Variants in CACNA1C observed in about 807,000 individuals in gnomAD.
The protein encoded by CACNA1C is calcium voltage-gated channel subunit alpha1 C, also known as voltage-dependent L-type calcium channel subunit alpha-1C.
CACNA1C carries 30 observed loss-of-function variants against 229.0 expected under a neutral mutation model. The ratio of observed to expected loss-of-function variants is 0.13; its 90% CI spans 0.10 to 0.18. CACNA1C has a LOEUF of 0.18. Among genes scored for constraint, CACNA1C ranks in the 10% least tolerant of loss-of-function variants. The pLI is 1.00. For missense variants in CACNA1C, 1,658 were observed against 2,845.0 expected, an observed-to-expected ratio of 0.58 and a Z score of 9.49; for synonymous variants, 1,114 against 1,132.5, an observed-to-expected ratio of 0.98 and a Z score of 0.33.
At chr12:2,489,460 G>A (rs1049692232) in intron 6 of CACNA1C, among the ~76,000 whole-genome samples, 5 of 152,162 alleles carry the variant, frequency 3.3e-5, no homozygotes, top group Non-Finnish European at 5.9e-5. Flanking sequence ...CATCTGCAAG[G>A]CGCCTTCTCA....
At chr12:2,383,423 A>T (rs965153271) in intron 3 of CACNA1C, among the ~76,000 whole-genome samples, 3 of 152,124 alleles carry the variant, frequency 2.0e-5, no homozygotes, top group Admixed American at 2.0e-4. Context: ...GGGTGGCAGG[A>T]ATGTGCCCTT....
rs569548209 is a variant in CACNA1C at position 2,410,652 on chromosome 12, C to T, written c.478-38324C>T. On this transcript the variant is annotated intron_variant, in intron 3 of 46. Transcript: ENST00000399655. The surrounding 1 kb of genome is among the most constrained non-coding windows in gnomAD (Gnocchi z 5.3). Reference sequence around the variant, plus strand: ...GCCTGTGTGTGTGTGTGTGTGCATGCGTGTGTGTGTTCCAGGAGCTGACTC... The same window carrying T: ...GCCTGTGTGTGTGTGTGTGTGCATGTGTGTGTGTGTTCCAGGAGCTGACTC... Among the ~76,000 whole-genome samples the T allele has an allele frequency of 1.1e-4, 16 of 147,170 alleles. No homozygotes were observed. Among genetic ancestry groups the T allele is most frequent in the East Asian group, 4.0e-4 (2 of 5,004 alleles).
At chr12:2,458,113 C>T (rs1374636564) in intron 5 of CACNA1C, among the ~76,000 whole-genome samples, 1 of 152,140 alleles carries the variant, frequency 6.6e-6, no homozygotes, top group Admixed American at 6.5e-5. Flanking sequence ...TTCCAAAGAA[C>T]AATCAGGAAA....
At chr12:2,448,817 G>C (rs1237811894) in intron 3 of CACNA1C, among the ~76,000 whole-genome samples, 159 bp from the exon 4 acceptor site, 5 of 151,880 alleles carry the variant, frequency 3.3e-5, no homozygotes, top group Non-Finnish European at 5.9e-5. Context: ...GGTAGAGCAG[G>C]TCGTGGAGTT....
intron 3 of CACNA1C, among the ~76,000 whole-genome samples, chr12:2,289,947 C>T (rs573239959): frequency 6.6e-6 from 1 of 152,330 alleles, no homozygotes; most frequent in East Asian, 1.9e-4. Flanking sequence ...TTTACACATG[C>T]AGATGCTGAA....
intron 1 of CACNA1C, among the ~76,000 whole-genome samples, chr12:2,020,820 T>C (rs1239761570): frequency 6.6e-6 from 1 of 152,168 alleles, no homozygotes; most frequent in African/African-American, 2.4e-5. Flanking sequence ...CTTGACAAGG[T>C]GGTGGTTCAG....
chr12:2,066,926 G>A (rs1030781655), intron 1 of CACNA1C, among the ~76,000 whole-genome samples: 2 of 152,088 alleles, frequency 1.3e-5, no homozygotes, highest in Non-Finnish European at 2.9e-5. Context: ...GCTGGAGTGG[G>A]GCCTGAGCTT....
At chr12:2,530,873 T>G (rs767674580) in intron 9 of CACNA1C, among the ~76,000 whole-genome samples, 7 of 152,122 alleles carry the variant, frequency 4.6e-5, no homozygotes, top group Admixed American at 1.3e-4. Context: ...CACGGCTAAC[T>G]GTGACATCTT....
At chr12:2,417,609 C>A (rs778047156) in intron 3 of CACNA1C, among the ~76,000 whole-genome samples, 1 of 152,008 alleles carries the variant, frequency 6.6e-6, no homozygotes, top group South Asian at 2.1e-4. Context: ...GTGGTCCAGG[C>A]GGATGACAAG....
chr12:2,681,042 C>T (rs914648600), intron 42 of CACNA1C, among the ~76,000 whole-genome samples: 2 of 152,166 alleles, frequency 1.3e-5, no homozygotes, highest in Non-Finnish European at 1.5e-5. Context: ...TCCCCTTCCA[C>T]GGCCTTTGAG....
rs1344031364 is a variant in CACNA1C at position 2,585,276 on chromosome 12, C to T, written c.2340-100C>T. The T allele has an allele frequency of 2.6e-6, 3 of 1,171,928 alleles. No homozygotes were observed. Among genetic ancestry groups the T allele is most frequent in the African/African-American group, 1.5e-5 (1 of 64,552 alleles). The allele number at this position is 1,171,928 out of a possible 1,614,324, so 72.6% of individuals were successfully genotyped here. A position where few individuals can be genotyped will look rare whatever the true frequency, so the allele number is the denominator to read the frequency against. On this transcript the variant is annotated intron_variant, in intron 16 of 46. Coordinates refer to ENST00000399655, the MANE Select transcript of CACNA1C (RefSeq NM_000719.7). This position sits in a 1 kb window ranked among gnomAD's most constrained non-coding sequence, Gnocchi z 4.1. Reference sequence around the variant, plus strand: ...ATGGACTCAGACCCAGGGGATCTGTCCCCTCTGGCCCCAACAGGCCACAGG... The same window carrying T: ...ATGGACTCAGACCCAGGGGATCTGTTCCCTCTGGCCCCAACAGGCCACAGG...
At position 2,145,375 on chromosome 12, in the gene CACNA1C, A is replaced by G. The variant is rs1013335286; in HGVS notation, c.477+24945A>G. Among the ~76,000 whole-genome samples, 11 of 150,988 alleles carry G rather than the reference A, an allele frequency of 7.3e-5. 2 individuals are homozygous for G. The highest frequency in any genetic ancestry group is 1.6e-4 in the Non-Finnish European group (11 of 67,586). Reference sequence around the variant, plus strand: ...AGCTAAGTAATAAAACTCTTTGTTTATTCTGCTGGGTCTTTGCTTGTGTTA... The same window carrying G: ...AGCTAAGTAATAAAACTCTTTGTTTGTTCTGCTGGGTCTTTGCTTGTGTTA... On this transcript the variant is annotated intron_variant, in intron 3 of 46. Coordinates refer to ENST00000399655, the MANE Select transcript of CACNA1C (RefSeq NM_000719.7).
At chr12:2,200,503 A>G (rs116558016) in intron 3 of CACNA1C, among the ~76,000 whole-genome samples, 1,743 of 152,288 alleles carry the variant, frequency 0.011, 30 homozygotes, top group African/African-American at 0.04. Context: ...CCCACAACAA[A>G]GAATCATCTG....
intron 3 of CACNA1C, among the ~76,000 whole-genome samples, chr12:2,340,658 T>G (rs2096834481): frequency 6.6e-6 from 1 of 152,186 alleles, no homozygotes; most frequent in Non-Finnish European, 1.5e-5. Context: ...AGCTGAAGTT[T>G]CCTTGAAAAA....
At chr12:2,154,696 C>A (rs549691418) in intron 3 of CACNA1C, among the ~76,000 whole-genome samples, 36 of 152,324 alleles carry the variant, frequency 2.4e-4, no homozygotes, top group African/African-American at 8.7e-4. Flanking sequence ...CCTAGAACGC[C>A]CCCCTCTCTG....
At chr12:2,404,365 A>G (rs903254206) in intron 3 of CACNA1C, among the ~76,000 whole-genome samples, 2 of 151,654 alleles carry the variant, frequency 1.3e-5, no homozygotes, top group African/African-American at 2.4e-5. Flanking sequence ...CTAACATTCC[A>G]CGTGTTCCTT....
chr12:2,019,000 C>CT (rs1455424659), intron 1 of CACNA1C, among the ~76,000 whole-genome samples: 1 of 152,190 alleles, frequency 6.6e-6, no homozygotes, highest in African/African-American at 2.4e-5. Context: ...ATGTGTCACT[C>CT]TCCCTTAACA....
intron 30 of CACNA1C, among the ~76,000 whole-genome samples, chr12:2,643,077 G>A (rs559657542): frequency 2.6e-5 from 4 of 152,340 alleles, no homozygotes; most frequent in East Asian, 1.9e-4. Flanking sequence ...GCAGCCCCAC[G>A]CTGGGAGCCC....
intron 1 of CACNA1C, among the ~76,000 whole-genome samples, chr12:2,037,218 T>C (rs1287081027): frequency 1.3e-5 from 2 of 152,108 alleles, no homozygotes; most frequent in African/African-American, 4.8e-5. Flanking sequence ...TGAGACGGAG[T>C]AATCTGCTAT....
Sources: allele counts gnomAD v4.1 joint callset (sites outside exome capture counted in the v4.1 genomes callset), GRCh38; gene constraint gnomAD v4.1.1; non-coding constraint Gnocchi (gnomAD v3.1); transcripts MANE v1.5; gene names NCBI Gene and HGNC (gene_info 2026-07-23, HGNC 2026-07-21).